OR2L13: variants seen among roughly 807,000 people sequenced by gnomAD.
The protein encoded by OR2L13 is olfactory receptor 2L13.
Under a neutral mutation model 15.3 loss-of-function variants are expected in OR2L13, and 14 were observed. The ratio of observed to expected loss-of-function variants is 0.91; its 90% CI spans 0.60 to 1.43. The LOEUF is 1.43. Ranked by LOEUF, OR2L13 falls within the 40% of genes most tolerant of loss-of-function variation. OR2L13 has a pLI of 0.00. For synonymous variants in OR2L13, 152 were observed against 142.9 expected, an observed-to-expected ratio of 1.06 and a Z score of -0.45; for missense variants, 367 against 387.9, an observed-to-expected ratio of 0.95 and a Z score of 0.45.
chr1:247,961,250 A>G, the OR2L13 span, among the ~76,000 whole-genome samples: 1 of 152,198 alleles, frequency 6.6e-6, no homozygotes, highest in Admixed American at 6.5e-5. Context: ...ACACAGACAG[A>G]TAAATGGGCA....
the OR2L13 span, among the ~76,000 whole-genome samples, chr1:248,010,763 GTTTT>G: frequency 1.4e-3 from 62 of 44,474 alleles, no homozygotes; most frequent in African/African-American, 3.2e-3. Flanking sequence ...CTTTGTTGTT[GTTTT>G]TTTTTTTTTT....
chr1:248,085,444 T>TAAAATA, the OR2L13 span, among the ~76,000 whole-genome samples: 73 of 89,922 alleles, frequency 8.1e-4, 2 homozygotes, highest in African/African-American at 3.3e-3. Flanking sequence ...AATAATAAAA[T>TAAAATA]AAAAAAATGT....
chr1:248,039,102 A>G, the OR2L13 span: 3 of 1,614,132 alleles, frequency 1.9e-6, no homozygotes, highest in South Asian at 1.1e-5. Context: ...TTTCTACACC[A>G]TCCTCACCCC....
chr1:247,953,088 C>T, the OR2L13 span, among the ~76,000 whole-genome samples: 1 of 152,122 alleles, frequency 6.6e-6, no homozygotes, highest in Non-Finnish European at 1.5e-5. Context: ...AGAAGAACAA[C>T]AGAAAAAGAA....
the OR2L13 span, among the ~76,000 whole-genome samples, chr1:247,985,084 G>A: frequency 6.6e-6 from 1 of 152,080 alleles, no homozygotes; most frequent in African/African-American, 2.4e-5. Context: ...AACTGAATAT[G>A]TACTTACTAC....
chr1:247,959,614 C>A, the OR2L13 span, among the ~76,000 whole-genome samples: 1 of 151,860 alleles, frequency 6.6e-6, no homozygotes, highest in Non-Finnish European at 1.5e-5. Context: ...TCACATAGTC[C>A]CATATTTCTT....
At chr1:248,013,550 T>A in the OR2L13 span, 2 of 152,150 alleles carry the variant, frequency 1.3e-5, no homozygotes, top group Non-Finnish European at 2.9e-5. Flanking sequence ...GACTGGATCA[T>A]GGTTTCTATG....
chr1:248,057,716 TG>T, the OR2L13 span, among the ~76,000 whole-genome samples: 208 of 152,304 alleles, frequency 1.4e-3, 2 homozygotes, highest in African/African-American at 4.9e-3. Flanking sequence ...TTTAACTCCT[TG>T]GTTAGGTTTA....
chr1:247,959,220 A>G, the OR2L13 span, among the ~76,000 whole-genome samples: 1 of 152,026 alleles, frequency 6.6e-6, no homozygotes, highest in Non-Finnish European at 1.5e-5. Flanking sequence ...TTGGCTGGAT[A>G]TGAAATTCTG....
the OR2L13 span, among the ~76,000 whole-genome samples, chr1:247,994,328 C>A: frequency 1.3e-5 from 2 of 152,074 alleles, no homozygotes; most frequent in Admixed American, 1.3e-4. Flanking sequence ...ACCCGGGAGG[C>A]GGAGCTTGCA....
the OR2L13 span, among the ~76,000 whole-genome samples, chr1:247,983,188 G>A: frequency 1.3e-5 from 2 of 152,100 alleles, no homozygotes; most frequent in Non-Finnish European, 2.9e-5. Context: ...ATAAAACGTC[G>A]TGGTGATGTC....
At chr1:248,044,877 C>G in the OR2L13 span, among the ~76,000 whole-genome samples, 2 of 148,548 alleles carry the variant, frequency 1.3e-5, no homozygotes, top group African/African-American at 4.9e-5. Context: ...TGATTTGAAG[C>G]TCCCTTTCTC....
the OR2L13 span, chr1:247,949,796 G>C: frequency 6.2e-7 from 1 of 1,606,694 alleles, no homozygotes; most frequent in East Asian, 2.2e-5. Context: ...TGAAAATGTA[G>C]AAACACTTTC....
the OR2L13 span, among the ~76,000 whole-genome samples, chr1:248,006,810 A>G: frequency 6.6e-6 from 1 of 152,192 alleles, no homozygotes; most frequent in Non-Finnish European, 1.5e-5. Context: ...CTATGGTGTC[A>G]TACAAGCTAC....
At chr1:247,949,346 C>A in the OR2L13 span, 3 of 1,614,180 alleles carry the variant, frequency 1.9e-6, no homozygotes, top group Non-Finnish European at 2.5e-6. Context: ...TATATGTACT[C>A]CATATTCCTT....
exon 3 of OR2L13, chr1:248,100,367 AC>A: frequency 9.5e-7 from 1 of 1,056,286 alleles, no homozygotes; most frequent in East Asian, 2.4e-5. Flanking sequence ...TGATTCCAAC[AC>A]GCTAGAGCAG....
the OR2L13 span, among the ~76,000 whole-genome samples, chr1:247,978,705 T>C: frequency 0.039 from 5,891 of 152,228 alleles, 352 homozygotes; most frequent in African/African-American, 0.13. Flanking sequence ...GTGTGAAATG[T>C]TCAATTCCCA....
At chr1:248,033,541 A>G in the OR2L13 span, among the ~76,000 whole-genome samples, 1 of 149,036 alleles carries the variant, frequency 6.7e-6, no homozygotes, top group African/African-American at 2.5e-5. Context: ...GGCTCAAGCA[A>G]CCCTCCCATC....
chr1:247,989,795 T>C, the OR2L13 span, among the ~76,000 whole-genome samples: 10 of 152,192 alleles, frequency 6.6e-5, no homozygotes, highest in African/African-American at 1.2e-4. Flanking sequence ...TCATCTGAGA[T>C]TGCATGGAAA....
Sources: gnomAD v4.1 joint callset for allele counts (sites outside exome capture counted in the v4.1 genomes callset) on GRCh38, gnomAD v4.1.1 for gene constraint, MANE v1.5 for transcripts, NCBI Gene and HGNC (gene_info 2026-07-23, HGNC 2026-07-21) for gene names.